Variants in SAMD12 observed in about 807,000 individuals in gnomAD.
SAMD12 encodes sterile alpha motif domain-containing protein 12.
A neutral mutation model predicts 15.0 loss-of-function variants in SAMD12; 9 were observed. That is an observed-to-expected ratio of 0.60 (90% CI 0.36 to 1.05). The LOEUF is 1.05. Ranked by LOEUF, SAMD12 falls within the 50% of genes least tolerant of loss-of-function variation. SAMD12 has a pLI of 0.01. For synonymous variants in SAMD12, 86 were observed against 90.1 expected (o/e 0.96, Z 0.25); for missense variants, 230 against 234.2 (o/e 0.98, Z 0.12).
intron 2 of SAMD12, among the ~76,000 whole-genome samples, chr8:118,448,501 A>C (rs984556413): frequency 6.6e-6 from 1 of 152,258 alleles, no homozygotes; most frequent in Non-Finnish European, 1.5e-5. Flanking sequence ...AACAAATGAA[A>C]GAACTGTCTG....
At chr8:118,615,006 A>G (rs1828206873) in intron 1 of SAMD12, among the ~76,000 whole-genome samples, 1 of 152,190 alleles carries the variant, frequency 6.6e-6, no homozygotes, top group African/African-American at 2.4e-5. Flanking sequence ...ATCCAACTGG[A>G]CTGTGGGGAA....
chr8:118,290,837 T>C (rs952789660), intron 4 of SAMD12, among the ~76,000 whole-genome samples: 6 of 152,194 alleles, frequency 3.9e-5, no homozygotes, highest in Non-Finnish European at 7.4e-5. Context: ...TGCAAATATA[T>C]AAATATGAAA....
chr8:118,255,460 C>T lies in SAMD12; in HGVS notation c.434-57728G>A, dbSNP rs558993250. Among the ~76,000 whole-genome samples the T allele has an allele frequency of 1.2e-4, 18 of 150,340 alleles. No homozygotes were observed. In the South Asian group the frequency reaches 1.9e-3, roughly 16 times the overall value. On this transcript the variant is annotated intron_variant, in intron 4 of 4. Coordinates refer to the SAMD12 transcript ENST00000409003. ...CGCTGGTGTGCTGCACCCATTGACT[C>T]GTCATTTAGCATTAGGTCTATCTCC... is the stretch of plus-strand genomic sequence containing the variant.
At chr8:118,454,977 T>G in intron 2 of SAMD12, among the ~76,000 whole-genome samples, 1 of 152,198 alleles carries the variant, frequency 6.6e-6, no homozygotes, top group East Asian at 1.9e-4. Flanking sequence ...TCCCTCCTTT[T>G]TGAGGATGAA....
rs189154911 is a variant in SAMD12 at position 118,379,030 on chromosome 8, T to C, written c.*387A>G. 2.9e-5 allele frequency: 29 copies of C among 1,016,338 alleles called. No individual in the cohort carries two copies. In the East Asian group the frequency reaches 2.1e-3, roughly 74 times the overall value. The allele number at this position is 1,016,338 out of a possible 1,614,324, so 63.0% of individuals were successfully genotyped here. ...AAAGTGTGTGTGTATAATACATTCA[T>C]GTATAGTAATACATATCTAAAATGT... On this transcript the variant is annotated 3_prime_UTR_variant, in exon 4 of 4. Coordinates refer to ENST00000314727, the MANE Select transcript of SAMD12 (RefSeq NM_207506.3).
At chr8:118,486,936 AC>A (rs1824307544) in intron 2 of SAMD12, among the ~76,000 whole-genome samples, 1 of 152,160 alleles carries the variant, frequency 6.6e-6, no homozygotes, top group Admixed American at 6.5e-5. Context: ...CCACTGTCAA[AC>A]CCCAGCCCAA....
chr8:118,231,818 G>A (rs951814775), intron 4 of SAMD12, among the ~76,000 whole-genome samples: 1 of 151,876 alleles, frequency 6.6e-6, no homozygotes, highest in Non-Finnish European at 1.5e-5. Context: ...TTGCAATTTG[G>A]TATGGCCATG....
At chr8:118,175,034 C>CAAAAAAAAAAAAAAAAAAAA in the SAMD12 span, among the ~76,000 whole-genome samples, 5 of 78,768 alleles carry the variant, frequency 6.3e-5, no homozygotes, top group East Asian at 3.9e-4. Context: ...CAAAAAAAAA[C>CAAAAAAAAAAAAAAAAAAAA]AAAAAAAAAA....
chr8:118,208,849 A>T (rs544587586), intron 4 of SAMD12, among the ~76,000 whole-genome samples: 141 of 152,326 alleles, frequency 9.3e-4, no homozygotes, highest in Middle Eastern at 6.8e-3. Context: ...TGAAGCTTCA[A>T]ATCCTTTCAC....
chr8:118,440,657 A>AACACACACACACAC (rs34419362), intron 2 of SAMD12, among the ~76,000 whole-genome samples: 4,962 of 142,044 alleles, frequency 0.035, 91 homozygotes, highest in Non-Finnish European at 0.049. Flanking sequence ...TTATGAGGAA[A>AACACACACACACAC]ACACACACAC....
chr8:118,562,148 G>A (rs544387202), intron 2 of SAMD12, among the ~76,000 whole-genome samples: 1 of 152,186 alleles, frequency 6.6e-6, no homozygotes, highest in Non-Finnish European at 1.5e-5. Flanking sequence ...TGTGTCAAAG[G>A]CTTATGAGTT....
downstream of SAMD12, among the ~76,000 whole-genome samples, chr8:118,374,212 A>C (rs1020681820): frequency 1.3e-5 from 2 of 151,888 alleles, no homozygotes; most frequent in Non-Finnish European, 2.9e-5. Context: ...TATTTTAGAT[A>C]CTCCATATGA....
At chr8:118,619,176 A>AGG (rs1828324139) in intron 1 of SAMD12, among the ~76,000 whole-genome samples, 3 of 152,176 alleles carry the variant, frequency 2.0e-5, no homozygotes, top group Admixed American at 2.0e-4. Context: ...GTCACCCAGC[A>AGG]GTAGAGGTAA....
chr8:118,326,631 A>G (rs2450221), intron 4 of SAMD12, among the ~76,000 whole-genome samples: 99,086 of 152,030 alleles, frequency 0.65, 33,761 homozygotes, highest in African/African-American at 0.86. Flanking sequence ...CAACTAAGGA[A>G]TTGTTACTTT....
intron 2 of SAMD12, among the ~76,000 whole-genome samples, chr8:118,500,634 C>G (rs549240915): frequency 6.6e-6 from 1 of 151,832 alleles, no homozygotes; most frequent in South Asian, 2.1e-4. Flanking sequence ...ATTGAAACAC[C>G]GTCTCTACTA....
At chr8:118,504,650 T>C (rs546409388) in intron 2 of SAMD12, among the ~76,000 whole-genome samples, 2 of 152,288 alleles carry the variant, frequency 1.3e-5, no homozygotes, top group African/African-American at 2.4e-5. Context: ...CCATCCCGGA[T>C]TGTCCTGGTG....
At chr8:118,438,819 C>A (rs1563860434) in intron 3 of SAMD12, among the ~76,000 whole-genome samples, 1 of 152,080 alleles carries the variant, frequency 6.6e-6, no homozygotes, top group Non-Finnish European at 1.5e-5. Flanking sequence ...CACTTTACCA[C>A]CAGAGTGAAA....
intron 2 of SAMD12, among the ~76,000 whole-genome samples, chr8:118,470,331 G>A (rs79356712): frequency 6.6e-6 from 1 of 151,930 alleles, no homozygotes; most frequent in East Asian, 1.9e-4. Flanking sequence ...TAGATAACCT[G>A]GTGTGGGTGG....
intron 2 of SAMD12, among the ~76,000 whole-genome samples, chr8:118,570,380 G>C (rs1361783325): frequency 6.6e-6 from 1 of 151,974 alleles, no homozygotes; most frequent in African/African-American, 2.4e-5. Context: ...ACTCTCACAG[G>C]GTCCCGTATG....
Sources: gnomAD v4.1 joint callset for allele counts (sites outside exome capture counted in the v4.1 genomes callset) on GRCh38, gnomAD v4.1.1 for gene constraint, MANE v1.5 for transcripts, NCBI Gene and HGNC (gene_info 2026-07-23, HGNC 2026-07-21) for gene names.